DSCAM: variants seen among roughly 807,000 people sequenced by gnomAD.
DSCAM encodes cell adhesion molecule DSCAM.
A neutral mutation model predicts 217.7 loss-of-function variants in DSCAM; 47 were observed. The ratio of observed to expected loss-of-function variants is 0.22; its 90% CI spans 0.17 to 0.28. DSCAM has a LOEUF of 0.28. Among genes scored for constraint, DSCAM ranks in the 10% least tolerant of loss-of-function variants. The pLI, the probability that DSCAM is intolerant of heterozygous loss-of-function variation, is 1.00. For missense variants in DSCAM, 2,080 were observed against 2,618.3 expected, an observed-to-expected ratio of 0.79 and a Z score of 4.49; for synonymous variants, 1,056 against 1,015.3, an observed-to-expected ratio of 1.04 and a Z score of -0.76.
intron 2 of DSCAM, among the ~76,000 whole-genome samples, chr21:40,702,669 AT>A (rs58060649): frequency 0.16 from 23,674 of 148,634 alleles, 3,645 homozygotes; most frequent in African/African-American, 0.41. Context: ...TTTGATATGT[AT>A]TTTTTTTTTA....
chr21:40,338,029 T>A, intron 8 of DSCAM, 72 bp downstream of exon 8: 1 of 1,566,604 alleles, frequency 6.4e-7, no homozygotes, highest in Non-Finnish European at 8.7e-7. Flanking sequence ...ATTACCCGAC[T>A]TCAAATCATT....
At chr21:40,218,362 T>A (rs2091262069) in intron 11 of DSCAM, among the ~76,000 whole-genome samples, 1 of 152,204 alleles carries the variant, frequency 6.6e-6, no homozygotes, top group Non-Finnish European at 1.5e-5. Context: ...GAGCCTGTTT[T>A]TGTACCATTA....
At chr21:40,759,910 C>T (rs1292558691) in intron 1 of DSCAM, among the ~76,000 whole-genome samples, 1 of 152,132 alleles carries the variant, frequency 6.6e-6, no homozygotes, top group Non-Finnish European at 1.5e-5. Context: ...GAGGGGCATT[C>T]ATCTTTTTGC....
chr21:40,608,357 T>C (rs548364412), intron 3 of DSCAM, among the ~76,000 whole-genome samples: 1 of 152,138 alleles, frequency 6.6e-6, no homozygotes, highest in Non-Finnish European at 1.5e-5. Context: ...AAAATTAAAA[T>C]TAGGGAGAAA....
intron 8 of DSCAM, among the ~76,000 whole-genome samples, chr21:40,328,299 A>G (rs1875626664): frequency 6.6e-6 from 1 of 152,156 alleles, no homozygotes; most frequent in African/African-American, 2.4e-5. Context: ...TCATAGACCA[A>G]TGGACCAGAA....
chr21:40,064,406 C>T (rs928465290), intron 27 of DSCAM, among the ~76,000 whole-genome samples: 1 of 152,158 alleles, frequency 6.6e-6, no homozygotes, highest in Non-Finnish European at 1.5e-5. Flanking sequence ...TTCCTATTCT[C>T]GGTCAGTCAT....
intron 11 of DSCAM, among the ~76,000 whole-genome samples, chr21:40,242,386 C>T (rs1282972966): frequency 2.6e-5 from 4 of 152,200 alleles, no homozygotes; most frequent in Non-Finnish European, 4.4e-5. Context: ...CTGGCTTTAG[C>T]CAATGAGCTG....
chr21:40,190,993 T>A (rs1024194798), intron 11 of DSCAM, among the ~76,000 whole-genome samples: 5 of 152,206 alleles, frequency 3.3e-5, no homozygotes, highest in African/African-American at 1.2e-4. Flanking sequence ...ACCTTTTTAT[T>A]TGCTTTTTAT....
chr21:40,305,351 T>C (rs1161361192), intron 9 of DSCAM, among the ~76,000 whole-genome samples: 1 of 147,746 alleles, frequency 6.8e-6, no homozygotes, highest in Non-Finnish European at 1.5e-5. Context: ...GATTGGCCCA[T>C]TGTACTGCAG....
intron 1 of DSCAM, among the ~76,000 whole-genome samples, chr21:40,765,910 G>A (rs1243042837): frequency 6.6e-6 from 1 of 152,170 alleles, no homozygotes; most frequent in Non-Finnish European, 1.5e-5. Context: ...GCAGGAGAAC[G>A]AGGAGCTGAC....
rs2074653941 is a variant in DSCAM, at chr21:40,353,318, C to T, written c.934+147G>A. 5.6e-6 allele frequency: 6 copies of T among 1,077,358 alleles called. No homozygotes were observed. The South Asian group carries it at 8.5e-5, about 15-fold the overall frequency. 66.7% of individuals were successfully genotyped at this position (1,077,358 alleles called of 1,614,324 possible). ...GAATTCATCTGAGCATTAATTTTCA[C>T]ATCTGTAAAATGAGGTTTCTGTTGA... On this transcript the variant is annotated intron_variant, in intron 5 of 32. Coordinates refer to ENST00000400454, the MANE Select transcript of DSCAM (RefSeq NM_001389.5).
chr21:40,376,914 T>G (rs1036134882), intron 3 of DSCAM, among the ~76,000 whole-genome samples: 12 of 152,020 alleles, frequency 7.9e-5, no homozygotes, highest in African/African-American at 2.9e-4. Context: ...AAAATTTATG[T>G]TAATGTCCTA....
At chr21:40,744,984 T>TC (rs1960045748) in intron 1 of DSCAM, among the ~76,000 whole-genome samples, 1 of 151,972 alleles carries the variant, frequency 6.6e-6, no homozygotes, top group Non-Finnish European at 1.5e-5. Context: ...CAAATAGAAA[T>TC]CCTAAGAATA....
rs536899218 is a variant in DSCAM at position 40,350,807 on chromosome 21, C to T, written c.934+2658G>A. Among the ~76,000 whole-genome samples, 4 of 150,962 alleles carry T rather than the reference C, an allele frequency of 2.6e-5. No individual in the cohort carries two copies. In the South Asian group the frequency reaches 8.4e-4, roughly 32 times the overall value. On this transcript the variant is annotated intron_variant, in intron 5 of 32. Coordinates refer to ENST00000400454, the MANE Select transcript of DSCAM (RefSeq NM_001389.5). ...ATTCATTTTGGATGCAACAGAGAGT[C>T]CCTGAGATTTTGGAATTAAACAAAG... is the stretch of plus-strand genomic sequence containing the variant.
intron 8 of DSCAM, among the ~76,000 whole-genome samples, chr21:40,321,685 T>C (rs2074261347): frequency 6.6e-6 from 1 of 151,840 alleles, no homozygotes; most frequent in Admixed American, 6.6e-5. Context: ...TTAATGTTTC[T>C]AAAACATTGC....
chr21:40,563,743 T>C (rs1453371063), intron 3 of DSCAM, among the ~76,000 whole-genome samples: 1 of 146,674 alleles, frequency 6.8e-6, no homozygotes, highest in Admixed American at 6.9e-5. Flanking sequence ...TGTTTATATA[T>C]AGTTATATGT....
chr21:40,812,248 C>T (rs1056714256), intron 1 of DSCAM, among the ~76,000 whole-genome samples: 8 of 152,238 alleles, frequency 5.3e-5, no homozygotes, highest in African/African-American at 1.9e-4. Flanking sequence ...TAAACTGCCA[C>T]ATCTCAAATA....
Position 40,524,095 on chromosome 21 carries a change from T to C in DSCAM, c.509-154850A>G, listed in dbSNP as rs149953371. 6.6e-5 allele frequency among the ~76,000 whole-genome samples: 10 copies of C among 152,296 alleles called. No homozygotes were observed. The East Asian group carries it at 1.9e-3, about 29-fold the overall frequency. ...CCAGTAGCTACCATTTAAACAATCTTAGTGGCAGTTGGGTCCTTAAGAAAA... is the reference window on the plus strand; with the variant it reads ...CCAGTAGCTACCATTTAAACAATCTCAGTGGCAGTTGGGTCCTTAAGAAAA... On this transcript the variant is annotated intron_variant, in intron 3 of 32. Transcript: ENST00000400454.
At chr21:40,040,929 A>C (rs1045728098) in intron 32 of DSCAM, among the ~76,000 whole-genome samples, 4 of 47,668 alleles carry the variant, frequency 8.4e-5, no homozygotes, top group African/African-American at 5.0e-4. Context: ...AACAACACGA[A>C]AAAAAAAAAA....
Sources: allele counts gnomAD v4.1 joint callset (sites outside exome capture counted in the v4.1 genomes callset), GRCh38; gene constraint gnomAD v4.1.1; transcripts MANE v1.5; gene names NCBI Gene and HGNC (gene_info 2026-07-23, HGNC 2026-07-21).